Variants in DGKD observed in about 807,000 individuals in gnomAD.
The protein encoded by DGKD is DAG kinase delta.
In DGKD, 68 loss-of-function variants were observed where a neutral mutation model predicts 154.4. The ratio of observed to expected loss-of-function variants is 0.44; its 90% CI spans 0.36 to 0.54. DGKD has a LOEUF of 0.54. DGKD is among the 20% of genes least tolerant of loss of function. DGKD has a pLI of 0.00. For synonymous variants in DGKD, 693 were observed against 638.0 expected (o/e 1.09, Z -1.30); for missense variants, 1,343 against 1,593.6 (o/e 0.84, Z 2.68).
chr2:233,387,173 T>C (rs1011162486), intron 1 of DGKD, among the ~76,000 whole-genome samples: 1 of 152,240 alleles, frequency 6.6e-6, no homozygotes, highest in Admixed American at 6.5e-5. Flanking sequence ...TTAGGGAGTT[T>C]TAAGTGTTTG....
intron 3 of DGKD, 132 bp downstream of exon 3, chr2:233,390,615 T>A (rs1396309813): frequency 1.5e-6 from 1 of 667,948 alleles, no homozygotes; most frequent in African/African-American, 1.8e-5. Context: ...CTGGTAAAAT[T>A]TGAATTTAAT....
At chr2:233,397,018 G>A (rs1404884615) in intron 3 of DGKD, among the ~76,000 whole-genome samples, 2 of 14,840 alleles carry the variant, frequency 1.3e-4, no homozygotes, top group Non-Finnish European at 2.4e-4. Flanking sequence ...AGGGTGGCTG[G>A]GGGGGGGGGC....
intron 19 of DGKD, among the ~76,000 whole-genome samples, chr2:233,455,161 A>C (rs2063416779): frequency 6.6e-6 from 1 of 152,198 alleles, no homozygotes; most frequent in Non-Finnish European, 1.5e-5. Context: ...CCGTGATACT[A>C]CAGAAAAGCG....
chr2:233,415,765 A>T (rs1162418222), intron 3 of DGKD, among the ~76,000 whole-genome samples: 1 of 152,142 alleles, frequency 6.6e-6, no homozygotes, highest in Non-Finnish European at 1.5e-5. Context: ...CTGGGACCAC[A>T]GGCAGGCACC....
In DGKD at chr2:233,451,959, T is replaced by C. The variant is rs567138650; in HGVS notation, c.2168-5T>C. 3.1e-6 allele frequency: 5 copies of C among 1,613,796 alleles called. No homozygotes were observed. Among genetic ancestry groups the C allele is most frequent in the Middle Eastern group, 1.7e-4 (1 of 6,014 alleles). Reference sequence around the variant, plus strand: ...CACCACCTCTTTCTTGTATCTCCTTTACAGATGTCCGGGCTGGAATGTCTG... The same window carrying C: ...CACCACCTCTTTCTTGTATCTCCTTCACAGATGTCCGGGCTGGAATGTCTG... On this transcript the variant is annotated splice_region_variant and splice_polypyrimidine_tract_variant and intron_variant, in intron 17 of 29. Coordinates refer to ENST00000264057, the MANE Select transcript of DGKD (RefSeq NM_152879.3).
At chr2:233,462,179 A>G (rs1482929727) in intron 24 of DGKD, among the ~76,000 whole-genome samples, 169 bp from the exon 25 acceptor site, 1 of 152,180 alleles carries the variant, frequency 6.6e-6, no homozygotes, top group African/African-American at 2.4e-5. Context: ...CCTGTGCCCA[A>G]GCTTGTGACT....
At chr2:233,425,486 C>T (rs954709182) in intron 3 of DGKD, among the ~76,000 whole-genome samples, 9 of 152,234 alleles carry the variant, frequency 5.9e-5, no homozygotes, top group Non-Finnish European at 1.5e-5. Flanking sequence ...TGTGCCCGGC[C>T]GACTTTATTC....
In DGKD at chr2:233,458,392, G is replaced by T; in HGVS notation, c.2689G>T (p.Ala897Ser). The T allele has an allele frequency of 6.2e-7, 1 of 1,607,210 alleles. No individual in the cohort carries two copies. The highest frequency in any genetic ancestry group is 1.1e-5 in the South Asian group (1 of 90,946). ...CATCAGGCTACAGCATCATCGGATC[G>T]CCCAGGTAGTGGCCATGGTCCTGGG... Reference protein sequence around the residue: ...RVIRLQHHRIAQCRTVKISIL... With the variant: ...RVIRLQHHRISQCRTVKISIL... Residue 897 changes from alanine to serine, a missense_variant, in exon 22 of 30, where the codon GCC (alanine) becomes TCC (serine). By Grantham distance (99) the Ala-to-Ser change is moderately conservative. Around this residue, in one of 6 missense-constraint regions of DGKD, gnomAD observed 429 missense variants for 496.3 expected, o/e 0.86. Transcript: ENST00000264057. The surrounding 1 kb of genome is among the most constrained non-coding windows in gnomAD (Gnocchi z 6.6).
intron 1 of DGKD, among the ~76,000 whole-genome samples, chr2:233,362,017 C>T (rs1013376571): frequency 2.0e-5 from 3 of 152,146 alleles, no homozygotes; most frequent in South Asian, 4.1e-4. Context: ...AAGCTGGTCT[C>T]GAACTCCCAA....
chr2:233,425,577 C>G (rs1437039034), intron 3 of DGKD, among the ~76,000 whole-genome samples: 1 of 152,162 alleles, frequency 6.6e-6, no homozygotes, highest in East Asian at 1.9e-4. Context: ...TAAAGTGTTT[C>G]CCAGCCACTC....
At chr2:233,433,773 CT>C (rs1402370453) in intron 3 of DGKD, among the ~76,000 whole-genome samples, 1 of 152,076 alleles carries the variant, frequency 6.6e-6, no homozygotes, top group Admixed American at 6.6e-5. Context: ...AGTTCATAGC[CT>C]TTTTTATATC....
chr2:233,379,146 T>C (rs1314748161), intron 1 of DGKD, among the ~76,000 whole-genome samples: 3 of 152,184 alleles, frequency 2.0e-5, no homozygotes, highest in African/African-American at 2.4e-5. Context: ...GTTCATGTAC[T>C]TGCAAAGCGG....
In DGKD at chr2:233,407,246, A is replaced by G. The variant is rs533928551; in HGVS notation, c.348+16763A>G. Among the ~76,000 whole-genome samples, 3 of 152,384 alleles carry G rather than the reference A, an allele frequency of 2.0e-5. No homozygotes were observed. In the South Asian group the frequency reaches 6.2e-4, roughly 32 times the overall value. On this transcript the variant is annotated intron_variant, in intron 3 of 29. Coordinates refer to ENST00000264057, the MANE Select transcript of DGKD (RefSeq NM_152879.3). ...AGTTATTCTGATTTATAGGAGTTTCAAAGGATTTCAAACGAGGCCAACTTT... is the reference window on the plus strand; with the variant it reads ...AGTTATTCTGATTTATAGGAGTTTCGAAGGATTTCAAACGAGGCCAACTTT...
intron 1 of DGKD, among the ~76,000 whole-genome samples, chr2:233,357,116 G>T (rs1166283847): frequency 6.6e-6 from 1 of 152,160 alleles, no homozygotes; most frequent in Non-Finnish European, 1.5e-5. Flanking sequence ...AGACTCCAGG[G>T]ACAGCTGTCA....
intron 3 of DGKD, among the ~76,000 whole-genome samples, chr2:233,403,412 T>C (rs1185912509): frequency 1.3e-5 from 2 of 151,180 alleles, no homozygotes; most frequent in Non-Finnish European, 3.0e-5. Context: ...ATACAAAAAT[T>C]AGCTGGATGT....
At chr2:233,414,913 A>G (rs1374859836) in intron 3 of DGKD, among the ~76,000 whole-genome samples, 3 of 152,116 alleles carry the variant, frequency 2.0e-5, no homozygotes, top group Non-Finnish European at 2.9e-5. Flanking sequence ...CTGACCTTCC[A>G]GTCTGAGGGA....
At position 233,390,996 on chromosome 2, in the gene DGKD, A is replaced by T. The variant is rs1387280044; in HGVS notation, c.348+513A>T. Reference sequence around the variant, plus strand: ...GATCCACCCTCCTTGGCCTCCCAAAATCCTGGGATTACAGGTGTGAGCCAC... The same window carrying T: ...GATCCACCCTCCTTGGCCTCCCAAATTCCTGGGATTACAGGTGTGAGCCAC... On this transcript the variant is annotated intron_variant, in intron 3 of 29. Transcript: ENST00000264057. 2.6e-5 allele frequency among the ~76,000 whole-genome samples: 4 copies of T among 152,214 alleles called. No individual in the cohort carries two copies. In the East Asian group the frequency reaches 7.7e-4, roughly 29 times the overall value.
chr2:233,364,616 A>G (rs1701938293), intron 1 of DGKD, among the ~76,000 whole-genome samples: 1 of 152,212 alleles, frequency 6.6e-6, no homozygotes, highest in Non-Finnish European at 1.5e-5. Context: ...TGTGGTGGCC[A>G]CCAAAATTGT....
In DGKD at chr2:233,438,725, T is replaced by G. The variant is rs1296295767; in HGVS notation, c.1085+346T>G. On this transcript the variant is annotated intron_variant, in intron 9 of 29. Coordinates refer to ENST00000264057, the MANE Select transcript of DGKD (RefSeq NM_152879.3). This position sits in a 1 kb window ranked among gnomAD's most constrained non-coding sequence, Gnocchi z 4.1. ...CGTTGTGGGTGTATTTTCTTTCATT[T>G]TATAATTTTTTATTTATCTGTCTAT... 7.6e-6 allele frequency among the ~76,000 whole-genome samples: 1 copy of G among 130,750 alleles called. No homozygotes were observed. Among genetic ancestry groups the G allele is most frequent in the Non-Finnish European group, 1.5e-5 (1 of 65,814 alleles). The allele number at this position is 130,750 out of a possible 152,430, so 85.8% of individuals were successfully genotyped here. A position where few individuals can be genotyped will look rare whatever the true frequency, so the allele number is the denominator to read the frequency against.
Sources: allele counts gnomAD v4.1 joint callset (sites outside exome capture counted in the v4.1 genomes callset), GRCh38; gene constraint gnomAD v4.1.1; regional missense constraint gnomAD v4.1.1; non-coding constraint Gnocchi (gnomAD v3.1); transcripts MANE v1.5; gene names NCBI Gene and HGNC (gene_info 2026-07-23, HGNC 2026-07-21).